The following SRGAP2 variants were observed in gnomAD, a reference collection of about 807,000 sequenced individuals.
SRGAP2 encodes SLIT-ROBO Rho GTPase activating protein 2, also known as SLIT-ROBO Rho GTPase-activating protein 2.
In SRGAP2, 15 loss-of-function variants were observed where a neutral mutation model predicts 57.2. That is an observed-to-expected ratio of 0.26 (90% CI 0.18 to 0.40). The LOEUF (loss-of-function observed/expected upper bound fraction) is 0.40, where lower values mean the gene tolerates loss of function less well. Among genes scored for constraint, SRGAP2 ranks in the 10% least tolerant of loss-of-function variants. The pLI is 1.00. For missense variants in SRGAP2, 520 were observed against 669.6 expected (o/e 0.78, Z 2.47); for synonymous variants, 249 against 248.0 (o/e 1.00, Z -0.04).
intron 3 of SRGAP2, among the ~76,000 whole-genome samples, chr1:206,331,549 T>C (rs1674355552): frequency 6.6e-6 from 1 of 150,706 alleles, no homozygotes; most frequent in African/African-American, 2.5e-5. Flanking sequence ...ATTGATCCCT[T>C]TACCATTATG....
At position 206,384,419 on chromosome 1, in the gene SRGAP2, C is replaced by T. The variant is rs1553347882; in HGVS notation, c.486+343C>T. 5.3e-5 allele frequency among the ~76,000 whole-genome samples: 8 copies of T among 151,514 alleles called. 1 individual carries two copies. The highest frequency in any genetic ancestry group is 2.6e-4 in the Admixed American group (4 of 15,298). On this transcript the variant is annotated intron_variant, in intron 5 of 22. Transcript: ENST00000573034. ...CCTGAACTAATGGCAAGGAACGTAG[C>T]CTGCATTGCACTATTAATATGTGCC... is the stretch of plus-strand genomic sequence containing the variant.
intron 13 of SRGAP2, among the ~76,000 whole-genome samples, chr1:206,427,655 G>A (rs918923197): frequency 1.3e-5 from 2 of 152,186 alleles, no homozygotes; most frequent in South Asian, 4.1e-4. Flanking sequence ...GATCCACGCA[G>A]ACCTGTCAAA....
At chr1:206,409,912 A>G (rs1474374230) in intron 10 of SRGAP2, among the ~76,000 whole-genome samples, 1 of 151,436 alleles carries the variant, frequency 6.6e-6, no homozygotes, top group Non-Finnish European at 1.5e-5. Context: ...CAGCCTGATC[A>G]ACATGGAGAA....
chr1:206,418,645 A>C (rs946384861), intron 11 of SRGAP2, among the ~76,000 whole-genome samples: 1 of 152,158 alleles, frequency 6.6e-6, no homozygotes, highest in South Asian at 2.1e-4. Flanking sequence ...ACTTCTCATG[A>C]ACTTGAAGAT....
rs538719601 is a variant in SRGAP2, at chr1:206,232,237, A to G, written c.67+26200A>G. Among the ~76,000 whole-genome samples the G allele has an allele frequency of 2.0e-5, 3 of 152,332 alleles. No individual in the cohort carries two copies. The East Asian group carries it at 5.8e-4, about 29-fold the overall frequency. Reference sequence around the variant, plus strand: ...ACATAGTGGAGAGGTGAGCAAGCAGATAGTCTGAAGCAAGTAGACAGAACA... The same window carrying G: ...ACATAGTGGAGAGGTGAGCAAGCAGGTAGTCTGAAGCAAGTAGACAGAACA... On this transcript the variant is annotated intron_variant, in intron 2 of 22. Coordinates refer to ENST00000573034, the MANE Select transcript of SRGAP2 (RefSeq NM_015326.5).
intron 5 of SRGAP2, among the ~76,000 whole-genome samples, chr1:206,385,942 A>T (rs1656200340): frequency 6.6e-6 from 1 of 152,344 alleles, no homozygotes; most frequent in South Asian, 2.1e-4. Flanking sequence ...GGCCAAAATT[A>T]AAATGTGATG....
chr1:206,266,288 G>A (rs1443503748), intron 2 of SRGAP2, among the ~76,000 whole-genome samples: 3 of 150,952 alleles, frequency 2.0e-5, no homozygotes, highest in Non-Finnish European at 2.9e-5. Context: ...TTGTTGCCCA[G>A]GCTGGAGTGC....
chr1:206,347,089 C>T (rs1342347279), intron 4 of SRGAP2, among the ~76,000 whole-genome samples: 3 of 146,630 alleles, frequency 2.0e-5, no homozygotes, highest in Non-Finnish European at 4.5e-5. Flanking sequence ...CTCCCTCCCC[C>T]ACTTAAAAAA....
At chr1:206,225,687 C>T (rs1194622831) in intron 2 of SRGAP2, among the ~76,000 whole-genome samples, 1 of 152,008 alleles carries the variant, frequency 6.6e-6, no homozygotes, top group Non-Finnish European at 1.5e-5. Context: ...GTGCCAAATA[C>T]CTGACCTCCT....
At chr1:206,423,236 A>G (rs1239465954) in intron 13 of SRGAP2, among the ~76,000 whole-genome samples, 1 of 152,090 alleles carries the variant, frequency 6.6e-6, no homozygotes, top group African/African-American at 2.4e-5. Flanking sequence ...ATGACTTCAT[A>G]TCTTCTTTGT....
At chr1:206,220,917 CATTT>C (rs1157268640) in intron 2 of SRGAP2, among the ~76,000 whole-genome samples, 2 of 148,406 alleles carry the variant, frequency 1.3e-5, no homozygotes, top group Non-Finnish European at 3.0e-5. Flanking sequence ...ACCTGGCAGC[CATTT>C]ATTTAGCACC....
At chr1:206,375,777 G>GT (rs1655143619) in intron 4 of SRGAP2, among the ~76,000 whole-genome samples, 1 of 152,080 alleles carries the variant, frequency 6.6e-6, no homozygotes, top group African/African-American at 2.4e-5. Context: ...AGTGAGCTTT[G>GT]TTAGTGAGCA....
In SRGAP2 at chr1:206,454,693, G is replaced by C. The variant is rs752718749; in HGVS notation, c.2361-185G>C. On this transcript the variant is annotated intron_variant, in intron 20 of 22. Coordinates refer to ENST00000573034, the MANE Select transcript of SRGAP2 (RefSeq NM_015326.5). The surrounding 1 kb of genome is among the most constrained non-coding windows in gnomAD (Gnocchi z 4.3). ...GCGGATTATTTATTTTTATTTAAAC[G>C]ACCCTTCAAAGGCCCTTAGGTTTCC... 3 of 563,602 alleles carry C rather than the reference G, an allele frequency of 5.3e-6. No individual in the cohort carries two copies. The highest frequency in any genetic ancestry group is 9.4e-6 in the Non-Finnish European group (3 of 320,314). 34.9% of individuals were successfully genotyped at this position (563,602 alleles called of 1,614,324 possible).
At chr1:206,365,802 G>T (rs1260033479) in intron 4 of SRGAP2, among the ~76,000 whole-genome samples, 1 of 147,590 alleles carries the variant, frequency 6.8e-6, no homozygotes, top group Non-Finnish European at 1.5e-5. Context: ...ATTCCCTACC[G>T]CAGTTTTGAC....
At chr1:206,375,992 C>T (rs1655163151) in intron 4 of SRGAP2, among the ~76,000 whole-genome samples, 1 of 150,048 alleles carries the variant, frequency 6.7e-6, no homozygotes, top group Admixed American at 6.6e-5. Context: ...TGAACCAGAA[C>T]TTGATGGGTG....
At chr1:206,352,783 T>C (rs1250893889) in intron 4 of SRGAP2, among the ~76,000 whole-genome samples, 13 of 150,558 alleles carry the variant, frequency 8.6e-5, no homozygotes, top group Non-Finnish European at 1.8e-4. Context: ...TTCTTATTAT[T>C]GCTTACTTGT....
At chr1:206,254,234 A>AAT (rs1553311747) in intron 2 of SRGAP2, among the ~76,000 whole-genome samples, 2 of 102,562 alleles carry the variant, frequency 2.0e-5, no homozygotes, top group African/African-American at 5.1e-5. Flanking sequence ...GGAAAGAAAT[A>AAT]TAATGAACCT....
rs570977025 is a variant in SRGAP2, at chr1:206,458,873, C to T, written c.2758C>T (p.Arg920Trp). Reference protein sequence around the residue: ...LKNRLDSPQIRKTATAGRSKS... With the variant: ...LKNRLDSPQIWKTATAGRSKS... ...GAATCGGCTGGATAGTCCACAGATC[C>T]GGAAGACTGCCACAGCGGGAAGGTC... Residue 920 changes from arginine (R) to tryptophan (W), a missense_variant, in exon 22 of 23, where the codon CGG becomes TGG. Arg to Trp is a moderately radical substitution (Grantham distance 101). Transcript: ENST00000573034. The T allele has an allele frequency of 6.0e-5, 47 of 780,420 alleles. No homozygotes were observed. The East Asian group carries it at 8.0e-4, about 13-fold the overall frequency. 48.3% of individuals were successfully genotyped at this position (780,420 alleles called of 1,614,324 possible). A position where few individuals can be genotyped will look rare whatever the true frequency, so the allele number is the denominator to read the frequency against.
chr1:206,419,807 ATTT>A (rs11404999), intron 12 of SRGAP2, among the ~76,000 whole-genome samples: 1 of 143,108 alleles, frequency 7.0e-6, no homozygotes. Flanking sequence ...ATGGCATTTG[ATTT>A]TTTTTTTTTT....
Sources: gnomAD v4.1 joint callset for allele counts (sites outside exome capture counted in the v4.1 genomes callset) on GRCh38, gnomAD v4.1.1 for gene constraint, Gnocchi (gnomAD v3.1) non-coding constraint, MANE v1.5 for transcripts, NCBI Gene and HGNC (gene_info 2026-07-23, HGNC 2026-07-21) for gene names.